Variants in NKAIN2 observed in about 807,000 individuals in gnomAD.
NKAIN2 encodes sodium/potassium transporting ATPase interacting 2, also known as sodium/potassium-transporting ATPase subunit beta-1-interacting protein 2.
A neutral mutation model predicts 32.6 loss-of-function variants in NKAIN2; 14 were observed. That is an observed-to-expected ratio of 0.43 (90% confidence interval 0.28 to 0.67). NKAIN2 has a LOEUF of 0.67. Ranked by LOEUF, NKAIN2 falls within the 30% of genes least tolerant of loss-of-function variation. The pLI is 0.17. For missense variants in NKAIN2, 198 were observed against 258.3 expected, an observed-to-expected ratio of 0.77 and a Z score of 1.60; for synonymous variants, 80 against 87.2, an observed-to-expected ratio of 0.92 and a Z score of 0.46.
At chr6:124,330,292 G>C (rs192002832) in intron 2 of NKAIN2, among the ~76,000 whole-genome samples, 1 of 152,092 alleles carries the variant, frequency 6.6e-6, no homozygotes, top group Admixed American at 6.5e-5. Context: ...TCAGTACCTC[G>C]GTAATAGACT....
chr6:124,269,987 C>T (rs1213280880), intron 1 of NKAIN2, among the ~76,000 whole-genome samples: 1 of 152,186 alleles, frequency 6.6e-6, no homozygotes, highest in Admixed American at 6.5e-5. Context: ...ATATAGCTGC[C>T]TTGCTCTAGT....
At chr6:124,360,998 G>T (rs895105907) in intron 3 of NKAIN2, among the ~76,000 whole-genome samples, 1 of 152,036 alleles carries the variant, frequency 6.6e-6, no homozygotes, top group Non-Finnish European at 1.5e-5. Context: ...TGGCAATTGT[G>T]GTTCCCTTGA....
chr6:124,526,628 A>T (rs760120154), intron 3 of NKAIN2, among the ~76,000 whole-genome samples: 1 of 152,182 alleles, frequency 6.6e-6, no homozygotes, highest in Non-Finnish European at 1.5e-5. Flanking sequence ...AAAGAAAATG[A>T]ATCCATAATT....
intron 3 of NKAIN2, among the ~76,000 whole-genome samples, chr6:124,607,953 G>A (rs146793326): frequency 1.3e-5 from 2 of 152,048 alleles, no homozygotes; most frequent in African/African-American, 2.4e-5. Flanking sequence ...GCATGTTTAA[G>A]GTAGGCTACG....
intron 4 of NKAIN2, among the ~76,000 whole-genome samples, chr6:124,665,332 T>C (rs113326935): frequency 1.8e-4 from 27 of 152,144 alleles, no homozygotes; most frequent in African/African-American, 6.3e-4. Flanking sequence ...AGGAACAGAA[T>C]AGAGTCCAGA....
chr6:124,358,792 C>G (rs553534735), intron 3 of NKAIN2, among the ~76,000 whole-genome samples: 4 of 150,992 alleles, frequency 2.6e-5, no homozygotes, highest in African/African-American at 7.3e-5. Flanking sequence ...TCCCATTTGT[C>G]AATTTTGGCT....
intron 3 of NKAIN2, among the ~76,000 whole-genome samples, chr6:124,442,738 A>G (rs1427165238): frequency 2.0e-5 from 3 of 152,130 alleles, no homozygotes; most frequent in Non-Finnish European, 4.4e-5. Context: ...TCCCAGTAGC[A>G]TGCCAGAAGC....
chr6:124,330,895 A>C (rs1206396938), intron 2 of NKAIN2, among the ~76,000 whole-genome samples: 1 of 152,076 alleles, frequency 6.6e-6, no homozygotes, highest in Non-Finnish European at 1.5e-5. Context: ...CATGCAAGAG[A>C]TCTAGGTTGC....
Position 124,386,629 on chromosome 6 carries a change from A to AT in NKAIN2, c.273+31287dup, listed in dbSNP as rs1171831080. Reference sequence around the variant, plus strand: ...TGAGTGGAAAATTGGCTTAGCTTTAATTTTTCAGTCAGAATTGTATAAGCT... The same window carrying AT: ...TGAGTGGAAAATTGGCTTAGCTTTAATTTTTTCAGTCAGAATTGTATAAGCT... On this transcript the variant is annotated intron_variant, in intron 3 of 6. Transcript: ENST00000368417. 1.1e-4 allele frequency among the ~76,000 whole-genome samples: 16 copies of AT among 152,196 alleles called. No individual in the cohort carries two copies. In the East Asian group the frequency reaches 3.1e-3, roughly 29 times the overall value.
intron 1 of NKAIN2, among the ~76,000 whole-genome samples, chr6:123,996,855 A>G (rs908370108): frequency 2.2e-4 from 33 of 152,208 alleles, no homozygotes; most frequent in African/African-American, 2.4e-5. Flanking sequence ...TGTCTGCTTA[A>G]TTTGACAGAT....
chr6:124,362,371 G>A (rs116907578), intron 3 of NKAIN2, among the ~76,000 whole-genome samples: 3,649 of 152,072 alleles, frequency 0.024, 92 homozygotes, highest in Non-Finnish European at 0.034. Flanking sequence ...CCAACCAGTT[G>A]GAATTTGGTC....
intron 1 of NKAIN2, among the ~76,000 whole-genome samples, chr6:124,176,509 G>A (rs1789165495): frequency 6.6e-6 from 1 of 152,070 alleles, no homozygotes; most frequent in South Asian, 2.1e-4. Context: ...CCAGTACGAT[G>A]TTGAATGACA....
rs141434329 is a variant in NKAIN2, at chr6:124,002,139, C to T, written c.54+197885C>T. ...AATATATTAAAATTATAACCAAGTT[C>T]TATTGATATTTCTCCTGCATTCCAC... On this transcript the variant is annotated intron_variant, in intron 1 of 6. Transcript: ENST00000368417. Among the ~76,000 whole-genome samples, 814 of 152,126 alleles carry T rather than the reference C, an allele frequency of 5.4e-3. 4 individuals carry two copies. Among genetic ancestry groups the T allele is most frequent in the African/African-American group, 0.019 (774 of 41,520 alleles).
chr6:124,586,255 A>C (rs1385594442), intron 3 of NKAIN2, among the ~76,000 whole-genome samples: 1 of 152,228 alleles, frequency 6.6e-6, no homozygotes, highest in Non-Finnish European at 1.5e-5. Context: ...CAACAGTGAC[A>C]GGTACTGGTA....
chr6:124,228,433 C>G (rs1227820973), intron 1 of NKAIN2, among the ~76,000 whole-genome samples: 1 of 152,234 alleles, frequency 6.6e-6, no homozygotes, highest in East Asian at 1.9e-4. Context: ...GTAATAAATT[C>G]TCTTGTTTGT....
At chr6:123,918,004 C>A (rs939866482) in intron 1 of NKAIN2, among the ~76,000 whole-genome samples, 1 of 152,072 alleles carries the variant, frequency 6.6e-6, no homozygotes, top group Middle Eastern at 3.2e-3. Flanking sequence ...TTAAGTAGAT[C>A]ATATTGAAAA....
chr6:123,909,485 T>C (rs1451000931), intron 1 of NKAIN2, among the ~76,000 whole-genome samples: 5 of 152,090 alleles, frequency 3.3e-5, no homozygotes, highest in Non-Finnish European at 7.4e-5. Flanking sequence ...CATGTGTGAG[T>C]CTCTGTGTCT....
At chr6:123,847,855 A>G (rs1223592958) in intron 1 of NKAIN2, among the ~76,000 whole-genome samples, 14 of 152,098 alleles carry the variant, frequency 9.2e-5, no homozygotes, top group Admixed American at 5.9e-4. Context: ...GGTAATTGGG[A>G]TGGTACGGAG....
intron 1 of NKAIN2, among the ~76,000 whole-genome samples, chr6:124,029,551 C>T (rs1391004083): frequency 6.6e-6 from 1 of 152,068 alleles, no homozygotes; most frequent in Admixed American, 6.6e-5. Context: ...CTACTGTGTG[C>T]CAGCCTTTAA....
Sources: allele counts gnomAD v4.1 joint callset (sites outside exome capture counted in the v4.1 genomes callset), GRCh38; gene constraint gnomAD v4.1.1; transcripts MANE v1.5; gene names NCBI Gene and HGNC (gene_info 2026-07-23, HGNC 2026-07-21).